Variants in INSL6 observed in about 807,000 individuals in gnomAD.
INSL6 encodes insulin-like peptide INSL6.
INSL6 carries 16 observed loss-of-function variants against 9.4 expected under a neutral mutation model. That is an observed-to-expected ratio of 1.70 (90% CI 1.15 to 2.59). INSL6 has a LOEUF of 2.59. Among genes scored for constraint, INSL6 ranks in the 30% most tolerant of loss-of-function variants. The pLI is 0.00. For missense variants in INSL6, 391 were observed against 257.3 expected (o/e 1.52, Z -3.56); for synonymous variants, 154 against 96.9 (o/e 1.59, Z -3.46).
At chr9:5,113,484 G>C in the INSL6 span, 2 of 149,636 alleles carry the variant, frequency 1.3e-5, no homozygotes, top group Admixed American at 1.3e-4. Context: ...GATCAGACTG[G>C]CCTAGAGTAG....
downstream of INSL6, among the ~76,000 whole-genome samples, chr9:5,120,129 T>C (rs1823502108): frequency 6.6e-6 from 1 of 152,202 alleles, no homozygotes; most frequent in Non-Finnish European, 1.5e-5. Flanking sequence ...GCTGCTCTCT[T>C]CTTTCCAAGA....
At chr9:5,084,910 A>G in the INSL6 span, 1 of 479,330 alleles carries the variant, frequency 2.1e-6, no homozygotes, top group East Asian at 5.2e-5. Context: ...ATTTTTGGTT[A>G]TCTGCACATG....
At chr9:5,071,905 G>A in the INSL6 span, among the ~76,000 whole-genome samples, 1 of 152,188 alleles carries the variant, frequency 6.6e-6, no homozygotes, top group Non-Finnish European at 1.5e-5. Flanking sequence ...AGAAATACTA[G>A]TATTAGTAGT....
chr9:5,085,743 C>A, the INSL6 span: 12 of 753,488 alleles, frequency 1.6e-5, no homozygotes, highest in Non-Finnish European at 2.2e-5. Flanking sequence ...GGCTGTGGCG[C>A]GCTGGCTAGC....
downstream of INSL6, among the ~76,000 whole-genome samples, chr9:5,160,553 G>A (rs897491120): frequency 1.2e-4 from 18 of 152,004 alleles, no homozygotes; most frequent in Admixed American, 3.9e-4. Flanking sequence ...AGAAAAGCAA[G>A]AGCAAGCCAA....
At chr9:5,111,233 T>G in the INSL6 span, 1 of 562,162 alleles carries the variant, frequency 1.8e-6, no homozygotes. Flanking sequence ...CGCGGGCCTA[T>G]TCCTCCTTTG....
At chr9:5,066,998 T>C in the INSL6 span, among the ~76,000 whole-genome samples, 1 of 152,120 alleles carries the variant, frequency 6.6e-6, no homozygotes, top group Admixed American at 6.5e-5. Flanking sequence ...TAATTTATAA[T>C]GTCTATCTTT....
the INSL6 span, among the ~76,000 whole-genome samples, chr9:5,044,693 G>T: frequency 6.6e-6 from 1 of 151,960 alleles, no homozygotes; most frequent in Non-Finnish European, 1.5e-5. Context: ...TTAATCCCAT[G>T]GTTTATGGAT....
At chr9:5,077,058 AATTGTT>A in the INSL6 span, among the ~76,000 whole-genome samples, 1 of 152,112 alleles carries the variant, frequency 6.6e-6, no homozygotes, top group East Asian at 1.9e-4. Flanking sequence ...TACTATAGAC[AATTGTT>A]AGTAATTTTT....
the INSL6 span, among the ~76,000 whole-genome samples, chr9:4,995,404 C>T: frequency 1.3e-5 from 2 of 152,126 alleles, no homozygotes; most frequent in Admixed American, 1.3e-4. Flanking sequence ...GAGATTCTCC[C>T]TTGTTTTCTT....
downstream of INSL6, among the ~76,000 whole-genome samples, chr9:5,162,250 C>A (rs1824943216): frequency 6.6e-6 from 1 of 151,492 alleles, no homozygotes; most frequent in African/African-American, 2.4e-5. Flanking sequence ...TGGGATTGCT[C>A]TAAGGAGTCT....
At chr9:5,015,190 G>A in the INSL6 span, among the ~76,000 whole-genome samples, 3 of 152,094 alleles carry the variant, frequency 2.0e-5, no homozygotes, top group Non-Finnish European at 4.4e-5. Context: ...GATAGTTTGG[G>A]TTGTTTGCAG....
chr9:5,131,435 A>ATTTTTTTTTTTTTTTTTT lies in INSL6; in HGVS notation c.*10+1972_*10+1989dup, dbSNP rs550915336. On this transcript the variant is annotated intron_variant, in intron 3 of 3. Coordinates refer to the INSL6 transcript ENST00000649639. ...AATTCTTTAACACCACCAGTTAACA[A>ATTTTTTTTTTTTTTTTTT]TTTTTTTTTTTTTTTTTTTGAGACA... is the stretch of plus-strand genomic sequence containing the variant. Among the ~76,000 whole-genome samples, 6 of 115,858 alleles carry ATTTTTTTTTTTTTTTTTT rather than the reference A, an allele frequency of 5.2e-5. 1 individual carries two copies. The highest frequency in any genetic ancestry group is 2.4e-4 in the African/African-American group (6 of 24,918). 76.0% of individuals were successfully genotyped at this position (115,858 alleles called of 152,430 possible).
At chr9:5,001,270 C>G in the INSL6 span, among the ~76,000 whole-genome samples, 130 of 152,138 alleles carry the variant, frequency 8.5e-4, 1 homozygote, top group African/African-American at 2.9e-3. Flanking sequence ...TTCCTTGTTC[C>G]TGATTTTATG....
chr9:5,143,180 T>G (rs1824535736), intron 2 of INSL6, among the ~76,000 whole-genome samples: 1 of 152,156 alleles, frequency 6.6e-6, no homozygotes. Flanking sequence ...CAGGTTTTGG[T>G]ATCAGGATGA....
the INSL6 span, chr9:5,097,468 G>T: frequency 1.2e-4 from 18 of 152,202 alleles, 1 homozygote; most frequent in African/African-American, 4.1e-4. Flanking sequence ...TGGGTATATG[G>T]GCATAGTATG....
chr9:5,054,805 C>A, the INSL6 span: 1 of 1,612,850 alleles, frequency 6.2e-7, no homozygotes, highest in South Asian at 1.1e-5. This position sits in a 1 kb window ranked among gnomAD's most constrained non-coding sequence, Gnocchi z 4.9. Context: ...GAGATTTTTG[C>A]AACCATTATA....
chr9:5,114,287 C>T, the INSL6 span: 4 of 542,248 alleles, frequency 7.4e-6, no homozygotes, highest in East Asian at 4.5e-5. Flanking sequence ...GCAAGGAGAA[C>T]GTGAAGCTGA....
chr9:5,178,479 G>T (rs1825369561), intron 1 of INSL6, among the ~76,000 whole-genome samples: 1 of 152,176 alleles, frequency 6.6e-6, no homozygotes, highest in Non-Finnish European at 1.5e-5. Flanking sequence ...CCTCCATGTG[G>T]AGGCTTCAGC....
Sources: gnomAD v4.1 joint callset for allele counts (sites outside exome capture counted in the v4.1 genomes callset) on GRCh38, gnomAD v4.1.1 for gene constraint, Gnocchi (gnomAD v3.1) non-coding constraint, MANE v1.5 for transcripts, NCBI Gene and HGNC (gene_info 2026-07-23, HGNC 2026-07-21) for gene names.